The following KCNQ1 variants were observed in gnomAD, a reference collection of about 807,000 sequenced individuals.
KCNQ1 encodes the protein potassium voltage-gated channel subfamily Q member 1.
A neutral mutation model predicts 72.4 loss-of-function variants in KCNQ1; 49 were observed. The observed-to-expected ratio is 0.68, with a 90% CI of 0.54 to 0.86. KCNQ1 has a LOEUF of 0.86. Ranked by LOEUF, KCNQ1 falls within the 40% of genes least tolerant of loss-of-function variation. The pLI, the probability that KCNQ1 is intolerant of heterozygous loss-of-function variation, is 0.00. For missense variants in KCNQ1, 790 were observed against 945.1 expected (o/e 0.84, Z 2.15); for synonymous variants, 450 against 412.6 (o/e 1.09, Z -1.10).
At chr11:2,618,321 A>G in intron 10 of KCNQ1, 1 of 398,608 alleles carries the variant, frequency 2.5e-6, no homozygotes, top group Non-Finnish European at 4.4e-6. Flanking sequence ...AAAAATGCAA[A>G]AAAATTCAAT....
rs148613496 is a variant in KCNQ1, at chr11:2,564,365, G to A, written c.478-6263G>A. The stretch of plus-strand genomic sequence containing the variant: ...TCCCAGCACTTTGGAAGGCTGAGGC[G>A]GGCGGATCACCTGAGGTCAGGAGTT... On this transcript the variant is annotated intron_variant, in intron 2 of 15. Coordinates refer to ENST00000155840, the MANE Select transcript of KCNQ1 (RefSeq NM_000218.3). The surrounding 1 kb of genome is among the most constrained non-coding windows in gnomAD (Gnocchi z 4.5). Among the ~76,000 whole-genome samples, 4,859 of 152,226 alleles carry A rather than the reference G, an allele frequency of 0.032. 141 individuals carry two copies. Among genetic ancestry groups the A allele is most frequent in the Non-Finnish European group, 0.044 (3,026 of 68,010 alleles).
chr11:2,550,308 G>T lies in KCNQ1; in HGVS notation c.478-20320G>T, dbSNP rs931604327. 6.6e-6 allele frequency among the ~76,000 whole-genome samples: 1 copy of T among 152,184 alleles called. No individual in the cohort carries two copies. The highest frequency in any genetic ancestry group is 1.5e-5 in the Non-Finnish European group (1 of 68,032). ...GCCGTGGCGCGGCGCCTGGATTTCC[G>T]ACACACTGCAGCATCTGCATCCTTG... On this transcript the variant is annotated intron_variant, in intron 2 of 15. Coordinates refer to ENST00000155840, the MANE Select transcript of KCNQ1 (RefSeq NM_000218.3). The surrounding 1 kb of genome is among the most constrained non-coding windows in gnomAD (Gnocchi z 6.0).
rs544151324 is a variant in KCNQ1 at position 2,713,046 on chromosome 11, C to T, written c.1514+50965C>T. Among the ~76,000 whole-genome samples, 91 of 152,284 alleles carry T rather than the reference C, an allele frequency of 6.0e-4. No homozygotes were observed. Among genetic ancestry groups the T allele is most frequent in the African/African-American group, 2.1e-3 (89 of 41,536 alleles). On this transcript the variant is annotated intron_variant, in intron 11 of 15. Coordinates refer to ENST00000155840, the MANE Select transcript of KCNQ1 (RefSeq NM_000218.3). The surrounding 1 kb of genome is among the most constrained non-coding windows in gnomAD (Gnocchi z 5.6). ...CCCTTGGCATGGGGCACCCAGAAGG[C>T]AGCAGGCTAACGACTCCCCATGAAA...
chr11:2,551,474 T>C (rs1291546690), intron 2 of KCNQ1, among the ~76,000 whole-genome samples: 2 of 152,282 alleles, frequency 1.3e-5, no homozygotes, highest in African/African-American at 4.8e-5. Flanking sequence ...GGATAAAATG[T>C]ACCACAGTTT....
chr11:2,667,975 C>T (rs1590019675), intron 11 of KCNQ1: 1 of 398,560 alleles, frequency 2.5e-6, no homozygotes, highest in African/African-American at 2.1e-5. Context: ...CTCAGGCTCC[C>T]ATTTCCTGTC....
rs1848913706 is a variant in KCNQ1 at position 2,608,281 on chromosome 11, A to G, written c.1393+19427A>G. Reference sequence around the variant, plus strand: ...AACTAGTGTTCTCATAACTAATTCAATCTCTTTAACTTATTACAGATCCAT... The same window carrying G: ...AACTAGTGTTCTCATAACTAATTCAGTCTCTTTAACTTATTACAGATCCAT... On this transcript the variant is annotated intron_variant, in intron 10 of 15. Transcript: ENST00000155840. The surrounding 1 kb of genome is among the most constrained non-coding windows in gnomAD (Gnocchi z 4.6). The G allele has an allele frequency of 7.5e-6, 3 of 397,832 alleles. No individual in the cohort carries two copies. The highest frequency in any genetic ancestry group is 1.3e-5 in the Non-Finnish European group (3 of 225,894). The allele number at this position is 397,832 out of a possible 1,614,324, so 24.6% of individuals were successfully genotyped here.
chr11:2,553,468 C>T (rs1281417923), intron 2 of KCNQ1, among the ~76,000 whole-genome samples: 2 of 151,972 alleles, frequency 1.3e-5, no homozygotes, highest in African/African-American at 2.4e-5. Flanking sequence ...ATAGAGAGTG[C>T]GTCAAGAATG....
At position 2,769,188 on chromosome 11, in the gene KCNQ1, C is replaced by T. The variant is rs925544827; in HGVS notation, c.1590+269C>T. Among the ~76,000 whole-genome samples, 4 of 152,068 alleles carry T rather than the reference C, an allele frequency of 2.6e-5. No homozygotes were observed. Among genetic ancestry groups the T allele is most frequent in the African/African-American group, 4.8e-5 (2 of 41,414 alleles). On this transcript the variant is annotated intron_variant, in intron 12 of 15. Transcript: ENST00000155840. The surrounding 1 kb of genome is among the most constrained non-coding windows in gnomAD (Gnocchi z 4.6). Reference sequence around the variant, plus strand: ...TCTTCACCAAGTAGAAGGCAGCAGCCGTGTAGCTCACTCAGTCCTCCCGTG... The same window carrying T: ...TCTTCACCAAGTAGAAGGCAGCAGCTGTGTAGCTCACTCAGTCCTCCCGTG...
rs1846394967 is a variant in KCNQ1 at position 2,468,813 on chromosome 11, T to A, written c.386+23329T>A. Among the ~76,000 whole-genome samples the A allele has an allele frequency of 6.6e-6, 1 of 152,198 alleles. No homozygotes were observed. The highest frequency in any genetic ancestry group is 1.5e-5 in the Non-Finnish European group (1 of 68,024). On this transcript the variant is annotated intron_variant, in intron 1 of 15. Coordinates refer to ENST00000155840, the MANE Select transcript of KCNQ1 (RefSeq NM_000218.3). This position sits in a 1 kb window ranked among gnomAD's most constrained non-coding sequence, Gnocchi z 5.7. ...ACCTGTTGATGGACATGTGGGCGGC[T>A]GTATCCCATTTGGGCTCTCACAAAT... is the stretch of plus-strand genomic sequence containing the variant.
intron 15 of KCNQ1, among the ~76,000 whole-genome samples, chr11:2,847,307 A>G (rs1414704848): frequency 6.6e-6 from 1 of 152,220 alleles, no homozygotes; most frequent in Non-Finnish European, 1.5e-5. Flanking sequence ...CACAGTAGAC[A>G]TAGCCCCCAG....
chr11:2,527,004 G>A, intron 1 of KCNQ1, among the ~76,000 whole-genome samples: 1 of 152,164 alleles, frequency 6.6e-6, no homozygotes, highest in East Asian at 1.9e-4. Flanking sequence ...GGAGCCCGTG[G>A]GAATCCCCCT....
At chr11:2,718,944 G>T (rs1252348929) in intron 11 of KCNQ1, among the ~76,000 whole-genome samples, 1 of 152,240 alleles carries the variant, frequency 6.6e-6, no homozygotes, top group Non-Finnish European at 1.5e-5. Context: ...AGATTCCTGG[G>T]CTATTCCAAG....
At chr11:2,836,534 C>T (rs1488340954) in intron 15 of KCNQ1, among the ~76,000 whole-genome samples, 1 of 152,210 alleles carries the variant, frequency 6.6e-6, no homozygotes, top group African/African-American at 2.4e-5. Context: ...CACATGTAGG[C>T]AGAAAGACTT....
rs183841991 is a variant in KCNQ1 at position 2,699,983 on chromosome 11, G to T, written c.1514+37902G>T. On this transcript the variant is annotated intron_variant, in intron 11 of 15. Transcript: ENST00000155840. ...CTGGAGGTCCGTGCTGAGGCGACGC[G>T]GCGACCGTTCTGCCTGGAGACTGCG... The T allele has an allele frequency of 4.8e-5, 19 of 398,298 alleles. No homozygotes were observed. In the Middle Eastern group the frequency reaches 1.9e-3, roughly 40 times the overall value. The allele number at this position is 398,298 out of a possible 1,614,324, so 24.7% of individuals were successfully genotyped here.
At chr11:2,474,057 C>T (rs1846533557) in intron 1 of KCNQ1, among the ~76,000 whole-genome samples, 1 of 152,212 alleles carries the variant, frequency 6.6e-6, no homozygotes, top group South Asian at 2.1e-4. Context: ...CTACCGCTGG[C>T]CCAGTGGTCT....
chr11:2,721,020 C>G (rs962299933), intron 11 of KCNQ1, among the ~76,000 whole-genome samples: 7 of 152,134 alleles, frequency 4.6e-5, no homozygotes, highest in African/African-American at 1.4e-4. Flanking sequence ...TCCCTGGACA[C>G]CTGCAGCAGC....
At chr11:2,504,495 G>A (rs982197071) in intron 1 of KCNQ1, among the ~76,000 whole-genome samples, 1 of 152,148 alleles carries the variant, frequency 6.6e-6, no homozygotes, top group Non-Finnish European at 1.5e-5. Context: ...GTGGCTCACA[G>A]CTGTAATTTC....
At chr11:2,718,438 C>T (rs1278692473) in intron 11 of KCNQ1, among the ~76,000 whole-genome samples, 1 of 152,196 alleles carries the variant, frequency 6.6e-6, no homozygotes, top group Admixed American at 6.5e-5. Flanking sequence ...CCCGTAGCCT[C>T]ATGGGGCACA....
At position 2,725,954 on chromosome 11, in the gene KCNQ1, A is replaced by G. The variant is rs117339220; in HGVS notation, c.1515-42890A>G. ...GAAACCCTAACCTTCGGGCTTCCCC[A>G]CTAATTTGTGATAAGGCCTCGCCAA... On this transcript the variant is annotated intron_variant, in intron 11 of 15. Transcript: ENST00000155840. The surrounding 1 kb of genome is among the most constrained non-coding windows in gnomAD (Gnocchi z 7.2). Among the ~76,000 whole-genome samples the G allele has an allele frequency of 1.8e-3, 279 of 152,328 alleles. 6 individuals are homozygous for G. The East Asian group carries it at 0.045, about 25-fold the overall frequency.
Sources: allele counts gnomAD v4.1 joint callset (sites outside exome capture counted in the v4.1 genomes callset), GRCh38; gene constraint gnomAD v4.1.1; non-coding constraint Gnocchi (gnomAD v3.1); transcripts MANE v1.5; gene names NCBI Gene and HGNC (gene_info 2026-07-23, HGNC 2026-07-21).